The following DIPK1A variants were observed in gnomAD, a reference collection of about 807,000 sequenced individuals.
DIPK1A encodes the protein divergent protein kinase domain 1A, also known as family with sequence similarity 69 member A.
Under a neutral mutation model 40.8 loss-of-function variants are expected in DIPK1A, and 27 were observed. The ratio of observed to expected loss-of-function variants is 0.66; its 90% CI spans 0.49 to 0.91. The LOEUF (loss-of-function observed/expected upper bound fraction) is 0.91, where lower values mean the gene tolerates loss of function less well. Among genes scored for constraint, DIPK1A ranks in the 40% least tolerant of loss-of-function variants. The probability of loss-of-function intolerance (pLI) is 0.00; values close to 1 mark genes in which losing one functional copy is unlikely to be tolerated. For missense variants in DIPK1A, 412 were observed against 505.7 expected, an observed-to-expected ratio of 0.81 and a Z score of 1.78; for synonymous variants, 166 against 171.3, an observed-to-expected ratio of 0.97 and a Z score of 0.24.
rs532553906 is a variant in DIPK1A, at chr1:92,943,287, A to G, written c.54+18089T>C. On this transcript the variant is annotated intron_variant, in intron 1 of 4. Transcript: ENST00000370310. Reference sequence around the variant, plus strand: ...GTGTTGATGGATGAGGCAGGCAGAGAAAGCCACAGCCCAGAATACTCTACC... The same window carrying G: ...GTGTTGATGGATGAGGCAGGCAGAGGAAGCCACAGCCCAGAATACTCTACC... Among the ~76,000 whole-genome samples, 4 of 152,360 alleles carry G rather than the reference A, an allele frequency of 2.6e-5. No individual in the cohort carries two copies. The South Asian group carries it at 8.3e-4, about 32-fold the overall frequency.
chr1:92,925,157 G>C (rs6698179), intron 1 of DIPK1A, among the ~76,000 whole-genome samples: 47,491 of 151,976 alleles, frequency 0.31, 7,954 homozygotes, highest in Non-Finnish European at 0.37. Context: ...AACCCACTTG[G>C]TCATGTTGTA....
chr1:92,892,154 G>A lies in DIPK1A; in HGVS notation c.55-15724C>T, dbSNP rs188609173. 2.0e-3 allele frequency among the ~76,000 whole-genome samples: 303 copies of A among 152,182 alleles called. 2 individuals are homozygous for A. Among genetic ancestry groups the A allele is most frequent in the African/African-American group, 7.0e-3 (290 of 41,460 alleles). On this transcript the variant is annotated intron_variant, in intron 1 of 4. Coordinates refer to ENST00000370310, the MANE Select transcript of DIPK1A (RefSeq NM_001006605.5). ...TGTCCCTGTCTGACAGCTTTGAAGA[G>A]AGTAGTGGTTCTCCCAGCACACAGC...
At chr1:92,935,037 A>G (rs936195404) in intron 1 of DIPK1A, among the ~76,000 whole-genome samples, 1 of 152,248 alleles carries the variant, frequency 6.6e-6, no homozygotes, top group African/African-American at 2.4e-5. Context: ...AGAGTTATTT[A>G]CTGAAGAGAT....
At position 92,851,467 on chromosome 1, in the gene DIPK1A, T is replaced by C. The variant is rs370581358; in HGVS notation, c.190-512A>G. On this transcript the variant is annotated intron_variant, in intron 2 of 4. Coordinates refer to ENST00000370310, the MANE Select transcript of DIPK1A (RefSeq NM_001006605.5). Reference sequence around the variant, plus strand: ...CTGAGGCAGAAGAATCACTTGAGCCTGGGAGGCAGAGGTTGTGGTGAGCCG... The same window carrying C: ...CTGAGGCAGAAGAATCACTTGAGCCCGGGAGGCAGAGGTTGTGGTGAGCCG... Among the ~76,000 whole-genome samples the C allele has an allele frequency of 3.8e-3, 484 of 128,818 alleles. 3 individuals carry two copies. The highest frequency in any genetic ancestry group is 0.016 in the Middle Eastern group (3 of 190). 84.5% of individuals were successfully genotyped at this position (128,818 alleles called of 152,430 possible).
rs1687788099 is a variant in DIPK1A, at chr1:92,850,598, T to C, written c.297+250A>G. Among the ~76,000 whole-genome samples the C allele has an allele frequency of 2.0e-5, 3 of 152,160 alleles. No individual in the cohort carries two copies. The South Asian group carries it at 6.2e-4, about 32-fold the overall frequency. On this transcript the variant is annotated intron_variant, in intron 3 of 4. Transcript: ENST00000370310. ...TGGGAGGCTGAGGTGGGAGGCTCAC[T>C]TGAGCCTGGGAAGTGGAGGTTGCAG...
intron 2 of DIPK1A, among the ~76,000 whole-genome samples, chr1:92,852,412 C>T (rs895519144): frequency 1.3e-5 from 2 of 151,844 alleles, no homozygotes; most frequent in African/African-American, 2.4e-5. Flanking sequence ...GTGGAAGAGT[C>T]GCTTGAACCC....
chr1:92,935,139 T>C (rs1650898145), intron 1 of DIPK1A, among the ~76,000 whole-genome samples: 1 of 152,152 alleles, frequency 6.6e-6, no homozygotes, highest in African/African-American at 2.4e-5. Flanking sequence ...ATACAGCTAG[T>C]TGGTGACAGG....
intron 1 of DIPK1A, 88 bp downstream of exon 1, chr1:92,961,288 A>C: frequency 1.1e-6 from 1 of 947,270 alleles, no homozygotes; most frequent in Non-Finnish European, 1.5e-6. Flanking sequence ...CCAGGGAGGG[A>C]GGAGGGGAGC....
At chr1:92,870,204 C>T (rs898139065) in intron 2 of DIPK1A, among the ~76,000 whole-genome samples, 1 of 152,006 alleles carries the variant, frequency 6.6e-6, no homozygotes, top group African/African-American at 2.4e-5. Context: ...TCATATATTT[C>T]AGATGTCTCT....
chr1:92,945,278 C>A (rs1308781969), intron 1 of DIPK1A, among the ~76,000 whole-genome samples: 1 of 152,010 alleles, frequency 6.6e-6, no homozygotes, highest in Admixed American at 6.6e-5. Flanking sequence ...CAATTAGAAA[C>A]TCCCTGCAAA....
At chr1:92,918,329 TGTAGA>T (rs1330814858) in intron 1 of DIPK1A, among the ~76,000 whole-genome samples, 1 of 152,144 alleles carries the variant, frequency 6.6e-6, no homozygotes, top group Non-Finnish European at 1.5e-5. Context: ...TTTGTATTTC[TGTAGA>T]GATAGAGTTT....
chr1:92,889,439 G>T (rs1048670284), intron 1 of DIPK1A, among the ~76,000 whole-genome samples: 1 of 152,112 alleles, frequency 6.6e-6, no homozygotes, highest in Non-Finnish European at 1.5e-5. Flanking sequence ...GATGCCTAAA[G>T]CTTTGTTCTT....
At chr1:92,914,454 A>G (rs1005523371) in intron 1 of DIPK1A, among the ~76,000 whole-genome samples, 3 of 152,052 alleles carry the variant, frequency 2.0e-5, no homozygotes, top group African/African-American at 7.2e-5. Flanking sequence ...AGGCGAGGAC[A>G]GGGAAGAGAG....
downstream of DIPK1A, among the ~76,000 whole-genome samples, chr1:92,839,335 G>A (rs1460768952): frequency 1.3e-5 from 2 of 152,070 alleles, no homozygotes; most frequent in African/African-American, 4.8e-5. Context: ...CTCCAGCCTG[G>A]GCAACAGAGC....
At chr1:92,895,065 T>C (rs1333534371) in intron 1 of DIPK1A, among the ~76,000 whole-genome samples, 2 of 152,118 alleles carry the variant, frequency 1.3e-5, no homozygotes, top group African/African-American at 4.8e-5. Flanking sequence ...AGCCAAATTC[T>C]ACCAGAGGTA....
chr1:92,836,386 C>T, intron 4 of DIPK1A: 1 of 1,613,726 alleles, frequency 6.2e-7, no homozygotes, highest in East Asian at 2.2e-5. Flanking sequence ...TTGTCTATCC[C>T]TCACAGGTAA....
At chr1:92,887,738 C>T (rs1427478738) in intron 1 of DIPK1A, among the ~76,000 whole-genome samples, 1 of 152,014 alleles carries the variant, frequency 6.6e-6, no homozygotes, top group Non-Finnish European at 1.5e-5. Context: ...TACTATTATC[C>T]CTTTACAAGA....
At chr1:92,837,558 C>T, downstream of DIPK1A, 1 of 1,611,994 alleles carries the variant, frequency 6.2e-7, no homozygotes, top group Non-Finnish European at 8.5e-7. Flanking sequence ...ACATGCGCTA[C>T]TTAATGGAAG....
At chr1:92,883,686 A>G in intron 1 of DIPK1A, among the ~76,000 whole-genome samples, 1 of 152,208 alleles carries the variant, frequency 6.6e-6, no homozygotes, top group East Asian at 1.9e-4. Flanking sequence ...AACTTCTTAC[A>G]TGATGGCTGA....
Sources: gnomAD v4.1 joint callset for allele counts (sites outside exome capture counted in the v4.1 genomes callset) on GRCh38, gnomAD v4.1.1 for gene constraint, MANE v1.5 for transcripts, NCBI Gene and HGNC (gene_info 2026-07-23, HGNC 2026-07-21) for gene names.